Variants in RUNX2 observed in about 807,000 individuals in gnomAD.
RUNX2 encodes the protein runt-related transcription factor 2.
In RUNX2, 10 loss-of-function variants were observed where a neutral mutation model predicts 51.7. The ratio of observed to expected loss-of-function variants is 0.19; its 90% confidence interval spans 0.12 to 0.33. The LOEUF is 0.33. Among genes scored for constraint, RUNX2 ranks in the 10% least tolerant of loss-of-function variants. The pLI is 1.00. For synonymous variants in RUNX2, 276 were observed against 273.6 expected, an observed-to-expected ratio of 1.01 and a Z score of -0.09; for missense variants, 562 against 691.3, an observed-to-expected ratio of 0.81 and a Z score of 2.10.
At chr6:45,450,724 C>A (rs1263517373) in intron 5 of RUNX2, among the ~76,000 whole-genome samples, 2 of 152,168 alleles carry the variant, frequency 1.3e-5, no homozygotes, top group African/African-American at 2.4e-5. Flanking sequence ...GGGGAAGAGA[C>A]ATCAAGGCAA....
chr6:45,468,707 C>T lies in RUNX2; in HGVS notation c.686-23234C>T, dbSNP rs550125978. On this transcript the variant is annotated intron_variant, in intron 5 of 8. Transcript: ENST00000647337. ...TTATAACCAGATTTTTTTTCACCTA[C>T]TTGAATGTCTGGTGTATGTCCCAAA... Among the ~76,000 whole-genome samples, 105 of 152,208 alleles carry T rather than the reference C, an allele frequency of 6.9e-4. 2 individuals carry two copies. The South Asian group carries it at 0.021, about 30-fold the overall frequency.
chr6:45,541,695 T>C (rs1802233970), intron 7 of RUNX2, among the ~76,000 whole-genome samples: 1 of 152,206 alleles, frequency 6.6e-6, no homozygotes, highest in Non-Finnish European at 1.5e-5. Context: ...ATGTTCAGTC[T>C]GGATTCAAGG....
In RUNX2 at chr6:45,523,415, T is replaced by C. The variant is rs956773422; in HGVS notation, c.1021+11008T>C. Among the ~76,000 whole-genome samples the C allele has an allele frequency of 1.5e-4, 23 of 151,868 alleles. 1 individual carries two copies. The highest frequency in any genetic ancestry group is 2.4e-4 in the Non-Finnish European group (16 of 67,990). On this transcript the variant is annotated intron_variant, in intron 7 of 8. Coordinates refer to ENST00000647337, the MANE Select transcript of RUNX2 (RefSeq NM_001024630.4). ...CTAGGTAGCTGGGATTATAGGCACCTGCCACGATGCCTGGCTAACTAATAC... is the reference window on the plus strand; with the variant it reads ...CTAGGTAGCTGGGATTATAGGCACCCGCCACGATGCCTGGCTAACTAATAC...
chr6:45,371,957 C>G (rs1796132402), intron 2 of RUNX2: 19 of 789,392 alleles, frequency 2.4e-5, no homozygotes, highest in Non-Finnish European at 2.9e-5. Context: ...GTGATACAAG[C>G]TGGGACTAAA....
chr6:45,421,057 T>C (rs970563605), intron 2 of RUNX2: 2 of 151,486 alleles, frequency 1.3e-5, no homozygotes, highest in East Asian at 2.0e-4. Context: ...AATAAATACA[T>C]AAATAAACAG....
chr6:45,487,563 T>C (rs929332577), intron 5 of RUNX2, among the ~76,000 whole-genome samples: 3 of 152,198 alleles, frequency 2.0e-5, no homozygotes, highest in Admixed American at 1.3e-4. Flanking sequence ...AGTAAGGGCT[T>C]ATCTCTAGAG....
At position 45,423,807 on chromosome 6, in the gene RUNX2, C is replaced by T. The variant is rs571356528; in HGVS notation, c.423+850C>T. Among the ~76,000 whole-genome samples, 15 of 152,282 alleles carry T rather than the reference C, an allele frequency of 9.9e-5. No homozygotes were observed. The South Asian group carries it at 3.1e-3, about 32-fold the overall frequency. The stretch of plus-strand genomic sequence containing the variant: ...CCCCGAAGCGGGGGCGTTCAGGGGG[C>T]CTGGGCGCTGAACCCTCGAGTGCTG... On this transcript the variant is annotated intron_variant, in intron 3 of 8. Coordinates refer to ENST00000647337, the MANE Select transcript of RUNX2 (RefSeq NM_001024630.4).
intron 7 of RUNX2, among the ~76,000 whole-genome samples, chr6:45,521,455 T>A (rs10485422): frequency 0.2 from 30,325 of 152,172 alleles, 3,484 homozygotes; most frequent in Non-Finnish European, 0.26. Context: ...CCAAAACATA[T>A]TTTAGGTCCA....
chr6:45,546,044 A>C (rs946333354), intron 8 of RUNX2, among the ~76,000 whole-genome samples: 1 of 152,150 alleles, frequency 6.6e-6, no homozygotes, highest in Admixed American at 6.5e-5. Flanking sequence ...AATCTCCCCT[A>C]GGCAGCGAGC....
chr6:45,356,990 T>G (rs1793320503), intron 2 of RUNX2, among the ~76,000 whole-genome samples: 1 of 152,132 alleles, frequency 6.6e-6, no homozygotes, highest in South Asian at 2.1e-4. Flanking sequence ...CTCTGATATA[T>G]TTTTAGTAAT....
intron 2 of RUNX2, among the ~76,000 whole-genome samples, chr6:45,387,053 A>G (rs145641246): frequency 6.6e-4 from 100 of 152,360 alleles, no homozygotes; most frequent in African/African-American, 2.0e-3. Context: ...GTAGGAAACA[A>G]TAGAAGATGG....
At chr6:45,506,787 T>G (rs1399788432) in intron 6 of RUNX2, among the ~76,000 whole-genome samples, 1 of 152,036 alleles carries the variant, frequency 6.6e-6, no homozygotes, top group Non-Finnish European at 1.5e-5. Flanking sequence ...ACCACAGGCA[T>G]GTTTCACTGC....
At chr6:45,379,069 G>A (rs1434434544) in intron 2 of RUNX2, among the ~76,000 whole-genome samples, 1 of 152,124 alleles carries the variant, frequency 6.6e-6, no homozygotes, top group African/African-American at 2.4e-5. Context: ...TGCTTAAATT[G>A]TTTAAAATAG....
In RUNX2 at chr6:45,384,706, C is replaced by CTT. The variant is rs56307239; in HGVS notation, c.59-37860_59-37859dup. On this transcript the variant is annotated intron_variant, in intron 2 of 8. Coordinates refer to ENST00000647337, the MANE Select transcript of RUNX2 (RefSeq NM_001024630.4). ...TCTCAAGTATTAGACATTAGGGTGT[C>CTT]TTTTTTTTTTTTTTTTTTTTTTTTT... is the stretch of plus-strand genomic sequence containing the variant. 2.3e-3 allele frequency among the ~76,000 whole-genome samples: 141 copies of CTT among 61,198 alleles called. 3 individuals carry two copies. Among genetic ancestry groups the CTT allele is most frequent in the African/African-American group, 8.4e-3 (125 of 14,954 alleles). 40.1% of individuals were successfully genotyped at this position (61,198 alleles called of 152,430 possible). A position where few individuals can be genotyped will look rare whatever the true frequency, so the allele number is the denominator to read the frequency against.
intron 2 of RUNX2, among the ~76,000 whole-genome samples, chr6:45,408,392 G>A (rs1177261160): frequency 6.6e-6 from 1 of 152,016 alleles, no homozygotes; most frequent in Non-Finnish European, 1.5e-5. Context: ...TGACTTTGAG[G>A]ATTTGGGAAT....
intron 2 of RUNX2, among the ~76,000 whole-genome samples, chr6:45,373,545 TTG>T (rs368652949): frequency 2.2e-4 from 33 of 150,130 alleles, no homozygotes; most frequent in African/African-American, 7.3e-4. Flanking sequence ...AAAATATTAT[TTG>T]TGTGTGTGTG....
At chr6:45,442,714 T>C (rs1798876043) in intron 5 of RUNX2, among the ~76,000 whole-genome samples, 1 of 152,186 alleles carries the variant, frequency 6.6e-6, no homozygotes, top group South Asian at 2.1e-4. Flanking sequence ...TATGATTCTG[T>C]GGGTTGATTG....
rs779939748 is a variant in RUNX2, at chr6:45,512,288, A to G, written c.902A>G (p.Gln301Arg). ...AQSSPPWSYD[Q>R]SYPSYLSQMT... Reference sequence around the variant, plus strand: ...TCTTCCCCGCCGTGGTCCTATGACCAGTCTTACCCCTCCTACCTGAGCCAG... The same window carrying G: ...TCTTCCCCGCCGTGGTCCTATGACCGGTCTTACCCCTCCTACCTGAGCCAG... Residue 301 changes from glutamine to arginine, a missense_variant, in exon 7 of 9, where the codon CAG (glutamine) becomes CGG (arginine). Gln to Arg is a conservative substitution (Grantham distance 43). Transcript: ENST00000647337. 5 of 1,614,082 alleles carry G rather than the reference A, an allele frequency of 3.1e-6. No individual in the cohort carries two copies. Among genetic ancestry groups the G allele is most frequent in the Non-Finnish European group, 3.4e-6 (4 of 1,180,008 alleles).
chr6:45,431,886 A>G lies in RUNX2; in HGVS notation c.447A>G (p.Pro149=), dbSNP rs1582105220. 6.2e-7 allele frequency: 1 copy of G among 1,614,192 alleles called. No homozygotes were observed. Among genetic ancestry groups the G allele is most frequent in the African/African-American group, 1.3e-5 (1 of 75,056 alleles). ...AFKVVALGEV[P]DGTVVTVMAG... is the part of the protein sequence containing the mutation. ...AGGTGGTAGCCCTCGGAGAGGTACC[A>G]GATGGGACTGTGGTTACTGTCATGG... The change falls in exon 4 of 9, where the codon CCA becomes CCG. Residue 149 remains proline, a synonymous_variant. Transcript: ENST00000647337.
Sources: allele counts gnomAD v4.1 joint callset (sites outside exome capture counted in the v4.1 genomes callset), GRCh38; gene constraint gnomAD v4.1.1; transcripts MANE v1.5; gene names NCBI Gene and HGNC (gene_info 2026-07-23, HGNC 2026-07-21).